Variants in XRCC6 observed in about 807,000 individuals in gnomAD.
XRCC6 encodes DNA repair protein Ku70.
XRCC6 carries 5 observed loss-of-function variants against 65.7 expected under a neutral mutation model. The ratio of observed to expected loss-of-function variants is 0.08; its 90% CI spans 0.04 to 0.16. The LOEUF (loss-of-function observed/expected upper bound fraction) is 0.16. XRCC6 is among the 10% of genes least tolerant of loss of function. The pLI is 1.00. For missense variants in XRCC6, 447 were observed against 738.1 expected, an observed-to-expected ratio of 0.61 and a Z score of 4.57; for synonymous variants, 270 against 270.6, an observed-to-expected ratio of 1.00 and a Z score of 0.02.
Position 41,663,660 on chromosome 22 carries a change from T to C in XRCC6, c.1675T>C (p.Tyr559His), listed in dbSNP as rs151012067. Residue 559 changes from tyrosine (Y) to histidine (H), a missense_variant, in exon 13 of 13, where the codon TAT (tyrosine) becomes CAT (histidine). Physicochemically the swap from Tyr to His is moderately conservative, Grantham distance 83. Transcript: ENST00000360079. ...GSGSKRPKVE[Y>H]SEEELKTHIS... The stretch of plus-strand genomic sequence containing the variant: ...TGGAAGCAAAAGGCCCAAGGTGGAG[T>C]ATTCAGAAGAGGAGCTGAAGACCCA... The C allele has an allele frequency of 5.0e-6, 8 of 1,613,528 alleles. No homozygotes were observed. The highest frequency in any genetic ancestry group is 1.3e-5 in the African/African-American group (1 of 74,828).
intron 6 of XRCC6, among the ~76,000 whole-genome samples, chr22:41,640,895 C>T (rs2067868466): frequency 6.6e-6 from 1 of 152,034 alleles, no homozygotes; most frequent in Non-Finnish European, 1.5e-5. Flanking sequence ...TAGTCCTGGT[C>T]CCTTTGCTAT....
chr22:41,653,146 G>A (rs1050603736), intron 8 of XRCC6, among the ~76,000 whole-genome samples: 1 of 150,518 alleles, frequency 6.6e-6, no homozygotes, highest in Non-Finnish European at 1.5e-5. Context: ...GCTCATGCCT[G>A]TAATCCCAAC....
At chr22:41,640,251 C>T (rs557881535) in intron 6 of XRCC6, among the ~76,000 whole-genome samples, 8 of 152,156 alleles carry the variant, frequency 5.3e-5, no homozygotes, top group Admixed American at 5.2e-4. Flanking sequence ...CGGGTTCATG[C>T]CATTCTCCTG....
chr22:41,653,958 G>T (rs939691064), intron 9 of XRCC6, among the ~76,000 whole-genome samples: 1 of 152,142 alleles, frequency 6.6e-6, no homozygotes, highest in Non-Finnish European at 1.5e-5. Flanking sequence ...GCAGATTACT[G>T]ACACAAGTTC....
At chr22:41,661,114 T>G (rs965194844) in intron 11 of XRCC6, among the ~76,000 whole-genome samples, 1 of 152,146 alleles carries the variant, frequency 6.6e-6, no homozygotes, top group Non-Finnish European at 1.5e-5. Flanking sequence ...AGAGTAAGTT[T>G]AAAGCATTTA....
At chr22:41,641,763 GCAA>G (rs1035172382) in intron 6 of XRCC6, among the ~76,000 whole-genome samples, 89 of 152,182 alleles carry the variant, frequency 5.8e-4, no homozygotes, top group African/African-American at 2.0e-3. Context: ...CATAGTGAAT[GCAA>G]CAACATTTAT....
At chr22:41,662,810 C>T (rs963118531) in intron 12 of XRCC6, among the ~76,000 whole-genome samples, 21 of 151,982 alleles carry the variant, frequency 1.4e-4, no homozygotes, top group African/African-American at 3.6e-4. Flanking sequence ...TGGCCAGGTG[C>T]GGTGGCTCAC....
intron 7 of XRCC6, among the ~76,000 whole-genome samples, chr22:41,649,992 C>T (rs372012246): frequency 1.2e-3 from 188 of 152,058 alleles, no homozygotes; most frequent in Middle Eastern, 6.8e-3. Context: ...CGCCACTGCA[C>T]GCCAGTGACA....
chr22:41,662,855 G>A (rs1472500108), intron 12 of XRCC6, among the ~76,000 whole-genome samples: 4 of 152,044 alleles, frequency 2.6e-5, no homozygotes, highest in African/African-American at 9.7e-5. Flanking sequence ...GCCTGAGGTG[G>A]GCGGATCATG....
intron 6 of XRCC6, among the ~76,000 whole-genome samples, chr22:41,638,792 A>AAAAG (rs2067840828): frequency 6.6e-6 from 1 of 151,808 alleles, no homozygotes; most frequent in African/African-American, 2.4e-5. Context: ...AAAAAAAAAA[A>AAAAG]AAAAAAGAAA....
At chr22:41,652,358 TA>T (rs1216562560) in intron 8 of XRCC6, among the ~76,000 whole-genome samples, 2 of 151,824 alleles carry the variant, frequency 1.3e-5, no homozygotes, top group Non-Finnish European at 2.9e-5. Flanking sequence ...CTGACATTAA[TA>T]ATTTGCTTTT....
At chr22:41,624,652 C>T (rs2067648956) in intron 2 of XRCC6, among the ~76,000 whole-genome samples, 1 of 147,420 alleles carries the variant, frequency 6.8e-6, no homozygotes, top group Non-Finnish European at 1.5e-5. Context: ...TGCATCACTG[C>T]ACTCCAGCCT....
At chr22:41,641,018 G>C (rs1172000962) in intron 6 of XRCC6, among the ~76,000 whole-genome samples, 2 of 152,110 alleles carry the variant, frequency 1.3e-5, no homozygotes, top group Non-Finnish European at 2.9e-5. Flanking sequence ...CGAGGCAGGA[G>C]GATTGCTTGA....
intron 6 of XRCC6, among the ~76,000 whole-genome samples, chr22:41,645,906 G>A (rs2067927242): frequency 6.6e-6 from 1 of 151,600 alleles, no homozygotes; most frequent in African/African-American, 2.4e-5. Context: ...TCACCATGTT[G>A]GCCAAGCTGG....
intron 3 of XRCC6, among the ~76,000 whole-genome samples, chr22:41,632,733 G>T (rs955149550): frequency 9.9e-5 from 15 of 151,906 alleles, no homozygotes; most frequent in Non-Finnish European, 2.2e-4. Flanking sequence ...CGGGGTGAGA[G>T]GATTGCTTGA....
At position 41,629,930 on chromosome 22, in the gene XRCC6, T is replaced by C. The variant is rs1252529330; in HGVS notation, c.195+1700T>C. On this transcript the variant is annotated intron_variant, in intron 3 of 12. Transcript: ENST00000360079. ...ATCCGCCTGCCTCGGCCTCCCAAAG[T>C]GCTGGGATTACAGGTGTGAGCCACT... Among the ~76,000 whole-genome samples, 4 of 150,838 alleles carry C rather than the reference T, an allele frequency of 2.7e-5. No homozygotes were observed. The Admixed American group carries it at 2.7e-4, about 10-fold the overall frequency.
At chr22:41,656,639 G>A (rs1013621870) in intron 9 of XRCC6, among the ~76,000 whole-genome samples, 1 of 152,132 alleles carries the variant, frequency 6.6e-6, no homozygotes, top group Non-Finnish European at 1.5e-5. Flanking sequence ...GTATCCTCCC[G>A]GGTTCTTCAA....
intron 7 of XRCC6, among the ~76,000 whole-genome samples, chr22:41,649,078 A>AT (rs2067964511): frequency 6.7e-6 from 1 of 148,840 alleles, no homozygotes; most frequent in African/African-American, 2.5e-5. Flanking sequence ...CTACTAAAAA[A>AT]CTAAAAATTA....
At chr22:41,647,888 C>A (rs991050135) in intron 7 of XRCC6, among the ~76,000 whole-genome samples, 16 of 152,050 alleles carry the variant, frequency 1.1e-4, no homozygotes, top group Non-Finnish European at 2.2e-4. Flanking sequence ...TGCTTTCTTA[C>A]TGAATTTTCT....
Sources: gnomAD v4.1 joint callset for allele counts (sites outside exome capture counted in the v4.1 genomes callset) on GRCh38, gnomAD v4.1.1 for gene constraint, MANE v1.5 for transcripts, NCBI Gene and HGNC (gene_info 2026-07-23, HGNC 2026-07-21) for gene names.